Variants in HCFC1 observed in about 807,000 individuals in gnomAD.
HCFC1 encodes host cell factor C1, also known as host cell factor 1.
A neutral mutation model predicts 105.5 loss-of-function variants in HCFC1; 7 were observed. The observed-to-expected ratio is 0.07, with a 90% CI of 0.04 to 0.12. The LOEUF (loss-of-function observed/expected upper bound fraction) is 0.12, where lower values mean the gene tolerates loss of function less well. Ranked by LOEUF, HCFC1 falls within the 10% of genes least tolerant of loss-of-function variation. The pLI is 1.00. For synonymous variants in HCFC1, 918 were observed against 828.1 expected, an observed-to-expected ratio of 1.11 and a Z score of -1.86; for missense variants, 1,065 against 1,823.6, an observed-to-expected ratio of 0.58 and a Z score of 7.58.
chrX:153,953,235 G>A lies in HCFC1; in HGVS notation c.4498-277C>T, dbSNP rs900342778. The stretch of plus-strand genomic sequence containing the variant: ...GCCAGCTCCAGCCCATGTTAAATAG[G>A]GAGGGGACAGTGGTTCTCTGACCAG... On this transcript the variant is annotated intron_variant, in intron 18 of 25. Transcript: ENST00000310441. 6 of 439,387 alleles carry A rather than the reference G, an allele frequency of 1.4e-5. No individual in the cohort carries two copies. In the Admixed American group the frequency reaches 2.0e-4, roughly 15 times the overall value. The allele number at this position is 439,387 out of a possible 1,213,427, so 36.2% of individuals were successfully genotyped here.
At position 153,956,777 on chromosome X, in the gene HCFC1, G is replaced by A. The variant is rs2065381359; in HGVS notation, c.2497-14C>T. The A allele has an allele frequency of 8.3e-7, 1 of 1,208,520 alleles. No individual in the cohort carries two copies. Among genetic ancestry groups the A allele is most frequent in the Non-Finnish European group, 1.1e-6 (1 of 894,962 alleles). ...CTTAAGCACCACCTGGAACACCAGA[G>A]GAAAGTGCCACCAACGTCACCACCA... is the stretch of plus-strand genomic sequence containing the variant. On this transcript the variant is annotated splice_polypyrimidine_tract_variant and intron_variant, in intron 14 of 25. Transcript: ENST00000310441.
Position 153,971,501 on chromosome X carries a change from C to T in HCFC1, c.-661G>A, listed in dbSNP as rs1369909353. On this transcript the variant is annotated 5_prime_UTR_variant, in exon 1 of 26. Coordinates refer to ENST00000310441, the MANE Select transcript of HCFC1 (RefSeq NM_005334.3). ...CGAGCTCTCGAGGGCCGTTTGGGGGCTCGCGCCGTACGGCTTGTGAAGTCT... is the reference window on the plus strand; with the variant it reads ...CGAGCTCTCGAGGGCCGTTTGGGGGTTCGCGCCGTACGGCTTGTGAAGTCT... The T allele has an allele frequency of 3.4e-6, 1 of 293,053 alleles. No individual in the cohort carries two copies. The highest frequency in any genetic ancestry group is 4.8e-5 in the East Asian group (1 of 20,740). 24.2% of individuals were successfully genotyped at this position (293,053 alleles called of 1,213,427 possible).
In HCFC1 at chrX:153,970,910, A is replaced by G; in HGVS notation, c.-70T>C. 1.1e-6 allele frequency: 1 copy of G among 922,225 alleles called. No individual in the cohort carries two copies. Among genetic ancestry groups the G allele is most frequent in the Non-Finnish European group, 1.5e-6 (1 of 682,885 alleles). 76.0% of individuals were successfully genotyped at this position (922,225 alleles called of 1,213,427 possible). A position where few individuals can be genotyped will look rare whatever the true frequency, so the allele number is the denominator to read the frequency against. On this transcript the variant is annotated 5_prime_UTR_variant, in exon 1 of 26. Transcript: ENST00000310441. ...GGGAGCCCCTCAATTCCTTTCACACACCCCCTTTCGTCTAAGGCAGCTCTC... is the reference window on the plus strand; with the variant it reads ...GGGAGCCCCTCAATTCCTTTCACACGCCCCCTTTCGTCTAAGGCAGCTCTC...
Position 153,954,851 on chromosome X carries a change from G to A in HCFC1, c.3548C>T (p.Thr1183Ile). The change falls in exon 17 of 26, where the codon ACC becomes ATC. Residue 1183 changes from threonine to isoleucine, a missense_variant. Transcript: ENST00000310441. ...ATSTTMTVMA[T>I]GAPCSAGPLL... is the part of the protein sequence containing the mutation. ...TGGGCCGGCCGAGCACGGGGCCCCG[G>A]TGGCCATCACAGTCATGGTGGTGCT... is the stretch of plus-strand genomic sequence containing the variant. 8.7e-7 allele frequency: 1 copy of A among 1,152,561 alleles called. No individual in the cohort carries two copies. The highest frequency in any genetic ancestry group is 1.1e-6 in the Non-Finnish European group (1 of 871,531). 95.0% of individuals were successfully genotyped at this position (1,152,561 alleles called of 1,213,427 possible). A position where few individuals can be genotyped will look rare whatever the true frequency, so the allele number is the denominator to read the frequency against.
At chrX:153,952,471 C>A (rs782816476) in intron 19 of HCFC1, 43 bp downstream of exon 19, 17 of 1,107,562 alleles carry the variant, frequency 1.5e-5, no homozygotes, top group Non-Finnish European at 1.9e-5. Context: ...GCCTATTGCT[C>A]CCCCGAGCGG....
chrX:153,968,226 G>A (rs1444966066), intron 1 of HCFC1, among the ~76,000 whole-genome samples: 2 of 111,242 alleles, frequency 1.8e-5, no homozygotes, highest in Non-Finnish European at 3.8e-5. Context: ...ATTCCCTAAG[G>A]ACAAGCACAG....
chrX:153,971,477 G>A lies in HCFC1; in HGVS notation c.-637C>T, dbSNP rs182372135. 1.5e-3 allele frequency: 450 copies of A among 293,622 alleles called. 3 individuals carry two copies. The East Asian group carries it at 0.02, about 13-fold the overall frequency. 24.2% of individuals were successfully genotyped at this position (293,622 alleles called of 1,213,427 possible). A position where few individuals can be genotyped will look rare whatever the true frequency, so the allele number is the denominator to read the frequency against. On this transcript the variant is annotated 5_prime_UTR_variant, in exon 1 of 26. Coordinates refer to ENST00000310441, the MANE Select transcript of HCFC1 (RefSeq NM_005334.3). The stretch of plus-strand genomic sequence containing the variant: ...GGCCGGAGGCCGGTGGAACCAGCTC[G>A]AGCTCTCGAGGGCCGTTTGGGGGCT...
intron 3 of HCFC1, 87 bp from the exon 4 acceptor site, chrX:153,963,520 C>T: frequency 1.6e-6 from 1 of 631,606 alleles, no homozygotes; most frequent in East Asian, 3.5e-5. Context: ...GCAGCCTCCC[C>T]AGAACACAAA....
Position 153,960,017 on chromosome X carries a change from G to A in HCFC1, c.1229C>T (p.Thr410Ile). ...TGGGACCGGATTGGGTGTAGGGGAG[G>A]TGGCAGTAGCAGCCGTGGCAGGAAT... Reference protein sequence around the residue: ...YDIPATAATATSPTPNPVPSV... With the variant: ...YDIPATAATAISPTPNPVPSV... Residue 410 changes from threonine (T) to isoleucine (I), a missense_variant, in exon 8 of 26, where the codon ACC (threonine) becomes ATC (isoleucine). This residue lies in a region of HCFC1 where 101 missense variants were observed against 155.1 expected (regional missense o/e 0.65). Transcript: ENST00000310441. 1 of 1,211,803 alleles carries A rather than the reference G, an allele frequency of 8.3e-7. No homozygotes were observed. The highest frequency in any genetic ancestry group is 1.1e-6 in the Non-Finnish European group (1 of 895,449).
At position 153,964,344 on chromosome X, in the gene HCFC1, G is replaced by A. The variant is rs1198554333; in HGVS notation, c.343-60C>T. The A allele has an allele frequency of 3.5e-5, 37 of 1,064,824 alleles. No homozygotes were observed. The Admixed American group carries it at 4.9e-4, about 14-fold the overall frequency. 87.8% of individuals were successfully genotyped at this position (1,064,824 alleles called of 1,213,427 possible). On this transcript the variant is annotated intron_variant, in intron 2 of 25. Coordinates refer to ENST00000310441, the MANE Select transcript of HCFC1 (RefSeq NM_005334.3). ...ATGAGAAGGCCACCACTAGGGACCCGGGGCAACTTGTGGTGGAGGAGGAAA... is the reference window on the plus strand; with the variant it reads ...ATGAGAAGGCCACCACTAGGGACCCAGGGCAACTTGTGGTGGAGGAGGAAA...
In HCFC1 at chrX:153,956,362, G is replaced by A. The variant is rs782774910; in HGVS notation, c.2685C>T (p.Ala895=). ...TVTGTVSTSL[A]GAGGHSTSAS... ...CACTAGTGCTGTGGCCCCCCGCCCC[G>A]GCAAGGCTGGTGGAGACGGTGCCTG... The change falls in exon 16 of 26, where the codon GCC becomes GCT. Residue 895 remains alanine (A), a synonymous_variant. Transcript: ENST00000310441. The A allele has an allele frequency of 1.3e-5, 16 of 1,210,904 alleles. No individual in the cohort carries two copies. The highest frequency in any genetic ancestry group is 3.0e-5 in the East Asian group (1 of 33,816).
chrX:153,955,614 C>A (rs1229235833), intron 16 of HCFC1, 72 bp from the exon 17 acceptor site: 1 of 1,026,049 alleles, frequency 9.7e-7, no homozygotes, highest in African/African-American at 1.9e-5. Context: ...CTGTCCTGCA[C>A]TGTCACCACA....
At chrX:153,968,765 T>C (rs138560941) in intron 1 of HCFC1, among the ~76,000 whole-genome samples, 186 of 112,911 alleles carry the variant, frequency 1.6e-3, no homozygotes, top group Non-Finnish European at 3.0e-3. Flanking sequence ...CTTTCTAAAA[T>C]TGCATTTCCC....
chrX:153,969,010 C>T (rs1365386590), intron 1 of HCFC1, among the ~76,000 whole-genome samples: 5 of 112,400 alleles, frequency 4.4e-5, no homozygotes, highest in African/African-American at 6.5e-5. Flanking sequence ...GCAACAGGTG[C>T]TGAGAGACCT....
In HCFC1 at chrX:153,951,711, G is replaced by A. The variant is rs1557112568; in HGVS notation, c.5261-4C>T. 4 of 1,202,425 alleles carry A rather than the reference G, an allele frequency of 3.3e-6. No homozygotes were observed. The Admixed American group carries it at 6.7e-5, about 20-fold the overall frequency. ...AATGTGTTGGATGGAGCCAGGCCTA[G>A]GAAGAAAGAAGGTGTCAGCGGGAAA... is the stretch of plus-strand genomic sequence containing the variant. On this transcript the variant is annotated splice_region_variant and splice_polypyrimidine_tract_variant and intron_variant, in intron 20 of 25. Coordinates refer to ENST00000310441, the MANE Select transcript of HCFC1 (RefSeq NM_005334.3).
chrX:153,949,623 G>A lies in HCFC1; in HGVS notation c.6005-7C>T. 1.7e-6 allele frequency: 2 copies of A among 1,204,468 alleles called. No individual in the cohort carries two copies. The highest frequency in any genetic ancestry group is 2.3e-6 in the Non-Finnish European group (2 of 888,542). ...GAGCTGTCTTTACTGGTTTCTGGAA[G>A]GAACGGGAGAGATGCGTGAGCAGCA... is the stretch of plus-strand genomic sequence containing the variant. On this transcript the variant is annotated splice_polypyrimidine_tract_variant and splice_region_variant and intron_variant, in intron 24 of 25. Coordinates refer to ENST00000310441, the MANE Select transcript of HCFC1 (RefSeq NM_005334.3).
intron 12 of HCFC1, 98 bp downstream of exon 12, chrX:153,957,684 G>T: frequency 1.3e-6 from 1 of 774,549 alleles, no homozygotes; most frequent in Non-Finnish European, 1.9e-6. Context: ...TGAGCCATGT[G>T]TGCTCATGGG....
Position 153,954,583 on chromosome X carries a change from C to T in HCFC1, c.3816G>A (p.Val1272=). Residue 1272 remains valine (V), a synonymous_variant, in exon 17 of 26, where the codon GTG becomes GTA. Coordinates refer to ENST00000310441, the MANE Select transcript of HCFC1 (RefSeq NM_005334.3). ...QGGSPSTTVT[V]TALEALLCPS... ...GGCACAGCAGTGCCTCCAGGGCTGTCACAGTCACTGTGGTGCTGGGCGAGC... is the reference window on the plus strand; with the variant it reads ...GGCACAGCAGTGCCTCCAGGGCTGTTACAGTCACTGTGGTGCTGGGCGAGC... The T allele has an allele frequency of 8.3e-7, 1 of 1,210,901 alleles. No individual in the cohort carries two copies.
At chrX:153,965,589 C>T (rs1029619099) in intron 1 of HCFC1, among the ~76,000 whole-genome samples, 1 of 112,435 alleles carries the variant, frequency 8.9e-6, no homozygotes, top group Non-Finnish European at 1.9e-5. Context: ...AAACCCCAAA[C>T]TGGGGGCCAG....
Sources: gnomAD v4.1 joint callset for allele counts (sites outside exome capture counted in the v4.1 genomes callset) on GRCh38, gnomAD v4.1.1 for gene constraint, gnomAD v4.1.1 regional missense constraint, MANE v1.5 for transcripts, NCBI Gene and HGNC (gene_info 2026-07-23, HGNC 2026-07-21) for gene names.